CEP128: variants seen among roughly 807,000 people sequenced by gnomAD.
The protein encoded by CEP128 is centrosomal protein 128, also known as centrosomal protein 128kDa.
A neutral mutation model predicts 156.7 loss-of-function variants in CEP128; 132 were observed. That is an observed-to-expected ratio of 0.84 (90% CI 0.73 to 0.97). CEP128 has a LOEUF of 0.97. Among genes scored for constraint, CEP128 ranks in the 50% least tolerant of loss-of-function variants. The probability of loss-of-function intolerance (pLI) is 0.00; values close to 1 mark genes in which losing one functional copy is unlikely to be tolerated. For synonymous variants in CEP128, 469 were observed against 448.9 expected, an observed-to-expected ratio of 1.04 and a Z score of -0.57; for missense variants, 1,252 against 1,281.9, an observed-to-expected ratio of 0.98 and a Z score of 0.36.
intron 14 of CEP128, among the ~76,000 whole-genome samples, chr14:80,484,193 G>T (rs772535072): frequency 6.6e-6 from 1 of 152,116 alleles, no homozygotes; most frequent in Admixed American, 6.5e-5. Context: ...TCCTGGGCTG[G>T]TCTCAAACTC....
chr14:80,508,128 C>T (rs924595780), intron 23 of CEP128, among the ~76,000 whole-genome samples: 3 of 152,160 alleles, frequency 2.0e-5, no homozygotes, highest in Non-Finnish European at 4.4e-5. Context: ...GTTGACCAGG[C>T]TGGTCTCGAA....
chr14:80,876,300 T>TA (rs1031503457), intron 8 of CEP128, among the ~76,000 whole-genome samples: 53 of 149,918 alleles, frequency 3.5e-4, no homozygotes, highest in African/African-American at 8.1e-4. Context: ...TATTACACCT[T>TA]AAAAAAAAAG....
chr14:80,758,442 A>G (rs952424521), intron 17 of CEP128, among the ~76,000 whole-genome samples: 2 of 151,910 alleles, frequency 1.3e-5, no homozygotes, highest in African/African-American at 4.8e-5. Context: ...GAATTGCTTG[A>G]ACCCAGGACG....
At chr14:80,603,216 A>C (rs1566805639) in intron 19 of CEP128, among the ~76,000 whole-genome samples, 1 of 152,222 alleles carries the variant, frequency 6.6e-6, no homozygotes, top group African/African-American at 2.4e-5. Flanking sequence ...CCAACTGTCC[A>C]TCAAATGATG....
chr14:80,735,995 T>C (rs747827651), intron 19 of CEP128, among the ~76,000 whole-genome samples: 36 of 152,186 alleles, frequency 2.4e-4, no homozygotes, highest in Non-Finnish European at 1.0e-4. Context: ...AAATCCCTTT[T>C]GCCATGTAAG....
At chr14:80,690,744 C>T (rs2139306245) in intron 19 of CEP128, among the ~76,000 whole-genome samples, 1 of 152,260 alleles carries the variant, frequency 6.6e-6, no homozygotes, top group African/African-American at 2.4e-5. Flanking sequence ...CTTCCCCACT[C>T]CCCTTACTGA....
chr14:80,917,736 A>G (rs1320693024), intron 2 of CEP128, among the ~76,000 whole-genome samples: 5 of 152,226 alleles, frequency 3.3e-5, no homozygotes, highest in Non-Finnish European at 7.3e-5. Context: ...CTGGAAGTAC[A>G]TTGATCATAC....
chr14:80,874,517 G>A (rs1428798114), intron 8 of CEP128, among the ~76,000 whole-genome samples: 12 of 151,744 alleles, frequency 7.9e-5, no homozygotes, highest in African/African-American at 1.9e-4. Flanking sequence ...TAATGACATC[G>A]GATATATAAA....
intron 13 of CEP128, among the ~76,000 whole-genome samples, chr14:80,818,193 C>T (rs1198518798): frequency 1.3e-5 from 2 of 151,982 alleles, no homozygotes; most frequent in African/African-American, 2.4e-5. Flanking sequence ...CTAAATTTTG[C>T]TTTTACATAG....
At chr14:80,712,881 G>C (rs1897464705) in intron 19 of CEP128, among the ~76,000 whole-genome samples, 1 of 152,152 alleles carries the variant, frequency 6.6e-6, no homozygotes, top group South Asian at 2.1e-4. Context: ...ATTATATCCA[G>C]CTTAGGCTGG....
chr14:80,619,008 C>T (rs8003492), intron 19 of CEP128, among the ~76,000 whole-genome samples: 95,887 of 152,042 alleles, frequency 0.63, 30,739 homozygotes, highest in Non-Finnish European at 0.66. Flanking sequence ...ATAAGAAACA[C>T]ATTTCTGACA....
rs916530086 is a variant in CEP128, at chr14:80,853,988, G to A, written c.762+8769C>T. Among the ~76,000 whole-genome samples the A allele has an allele frequency of 5.6e-4, 15 of 26,952 alleles. No individual in the cohort carries two copies. In the East Asian group the frequency reaches 9.6e-3, roughly 17 times the overall value. 17.7% of individuals were successfully genotyped at this position (26,952 alleles called of 152,430 possible). On this transcript the variant is annotated intron_variant, in intron 9 of 24. Transcript: ENST00000555265. ...TCTCCTATTAAAAAAAAAATCCCCG[G>A]GGGGAAAGAGAGAAATCCCAAATAA...
intron 6 of CEP128, among the ~76,000 whole-genome samples, chr14:80,901,626 A>G (rs1405455171): frequency 6.6e-6 from 1 of 152,218 alleles, no homozygotes; most frequent in Non-Finnish European, 1.5e-5. Flanking sequence ...TTTTGCCATC[A>G]TGATTTTCCA....
chr14:80,904,909 G>A lies in CEP128; in HGVS notation c.384C>T (p.Thr128=). The A allele has an allele frequency of 6.2e-7, 1 of 1,605,540 alleles. No individual in the cohort carries two copies. The highest frequency in any genetic ancestry group is 8.5e-7 in the Non-Finnish European group (1 of 1,172,274). The part of the protein sequence containing the change: ...TGSELHHFPP[T]SPLKDYGDPQ... ...GATCCCCATAGTCCTTGAGAGGTGAGGTAGGTGGAAAATGATGGAGCTCTT... is the reference window on the plus strand; with the variant it reads ...GATCCCCATAGTCCTTGAGAGGTGAAGTAGGTGGAAAATGATGGAGCTCTT... The change falls in exon 6 of 25, where the codon ACC becomes ACT. Residue 128 remains threonine, a synonymous_variant. Transcript: ENST00000555265.
downstream of CEP128, among the ~76,000 whole-genome samples, chr14:80,486,289 C>A (rs562848634): frequency 6.6e-6 from 1 of 151,484 alleles, no homozygotes; most frequent in Admixed American, 6.6e-5. Flanking sequence ...ATGAAATGAA[C>A]GAAATGAAGC....
intron 19 of CEP128, among the ~76,000 whole-genome samples, chr14:80,613,616 AT>A (rs1893096796): frequency 6.6e-6 from 1 of 152,006 alleles, no homozygotes; most frequent in Non-Finnish European, 1.5e-5. Context: ...GCCGGAGAAC[AT>A]TTTTAAAATG....
rs1047662254 is a variant in CEP128 at position 80,502,272 on chromosome 14, A to G, written c.3181+2640T>C. On this transcript the variant is annotated intron_variant, in intron 24 of 24. Transcript: ENST00000555265. ...TGCTTGTCCTGCATTACTCTCATAA[A>G]AGAAAAGAGTGAAACAAGAAAGAGG... 7.2e-5 allele frequency among the ~76,000 whole-genome samples: 11 copies of G among 152,260 alleles called. No individual in the cohort carries two copies. The East Asian group carries it at 2.1e-3, about 29-fold the overall frequency.
chr14:80,808,876 T>C (rs1884344224), intron 13 of CEP128, among the ~76,000 whole-genome samples: 1 of 152,012 alleles, frequency 6.6e-6, no homozygotes, highest in South Asian at 2.1e-4. Context: ...TCCTCCCCTA[T>C]GAAAGCAAAT....
chr14:80,757,939 T>A (rs1440514559), intron 17 of CEP128, among the ~76,000 whole-genome samples: 1 of 152,240 alleles, frequency 6.6e-6, no homozygotes, highest in African/African-American at 2.4e-5. Flanking sequence ...CCTCCCTGCC[T>A]TTTCAAGGAA....
Sources: allele counts gnomAD v4.1 joint callset (sites outside exome capture counted in the v4.1 genomes callset), GRCh38; gene constraint gnomAD v4.1.1; transcripts MANE v1.5; gene names NCBI Gene and HGNC (gene_info 2026-07-23, HGNC 2026-07-21).